The following TENM4 variants were observed in gnomAD, a reference collection of about 807,000 sequenced individuals.
The protein encoded by TENM4 is teneurin-4.
A neutral mutation model predicts 243.3 loss-of-function variants in TENM4; 82 were observed. The ratio of observed to expected loss-of-function variants is 0.34; its 90% CI spans 0.28 to 0.40. The LOEUF (loss-of-function observed/expected upper bound fraction) is 0.40. Among genes scored for constraint, TENM4 ranks in the 10% least tolerant of loss-of-function variants. TENM4 has a pLI of 1.00. For missense variants in TENM4, 3,138 were observed against 3,673.3 expected (o/e 0.85, Z 3.77); for synonymous variants, 1,412 against 1,456.3 (o/e 0.97, Z 0.69).
At chr11:79,247,273 C>T (rs938732661) in intron 2 of TENM4, among the ~76,000 whole-genome samples, 20 of 151,886 alleles carry the variant, frequency 1.3e-4, no homozygotes, top group Middle Eastern at 3.4e-3. Flanking sequence ...AAAAATTAGC[C>T]GGGCATGGTG....
chr11:78,880,032 A>G (rs2136269345), intron 9 of TENM4, among the ~76,000 whole-genome samples: 1 of 152,246 alleles, frequency 6.6e-6, no homozygotes, highest in South Asian at 2.1e-4. Context: ...ATGCAGGGAA[A>G]AGAAAGAGAG....
At chr11:79,396,118 T>C (rs1041262817) in intron 1 of TENM4, among the ~76,000 whole-genome samples, 1 of 152,214 alleles carries the variant, frequency 6.6e-6, no homozygotes, top group Non-Finnish European at 1.5e-5. Flanking sequence ...TAGTACTTCA[T>C]GGCCAACACA....
intron 2 of TENM4, among the ~76,000 whole-genome samples, chr11:79,282,188 C>T (rs1856168857): frequency 1.3e-5 from 2 of 152,294 alleles, no homozygotes; most frequent in South Asian, 4.2e-4. Flanking sequence ...ATGATCTCTC[C>T]TTTCTCTACA....
chr11:79,066,674 A>G (rs576106493), intron 5 of TENM4, among the ~76,000 whole-genome samples: 8 of 151,882 alleles, frequency 5.3e-5, no homozygotes, highest in Middle Eastern at 6.9e-3. Context: ...GCACATGCAC[A>G]CACACGCACG....
At chr11:79,066,234 T>C (rs1275699448) in intron 5 of TENM4, among the ~76,000 whole-genome samples, 1 of 151,792 alleles carries the variant, frequency 6.6e-6, no homozygotes, top group African/African-American at 2.4e-5. Flanking sequence ...GATATTGGGG[T>C]GAGGAGCTTA....
chr11:78,993,275 T>C (rs1313792356), intron 6 of TENM4, among the ~76,000 whole-genome samples: 1 of 152,130 alleles, frequency 6.6e-6, no homozygotes, highest in Non-Finnish European at 1.5e-5. Flanking sequence ...AAGGAGAAAT[T>C]CATTTATGAA....
intron 7 of TENM4, among the ~76,000 whole-genome samples, chr11:78,894,369 A>C (rs1855739828): frequency 6.6e-6 from 1 of 152,218 alleles, no homozygotes; most frequent in Non-Finnish European, 1.5e-5. Flanking sequence ...AGAAATAAAC[A>C]AAAAAATACA....
intron 2 of TENM4, among the ~76,000 whole-genome samples, chr11:79,242,965 G>A (rs955364649): frequency 1.3e-5 from 2 of 152,188 alleles, no homozygotes; most frequent in Non-Finnish European, 2.9e-5. Context: ...ACCCTGGGGA[G>A]GGAGATTGCC....
At chr11:79,307,707 G>A (rs1002504803) in intron 1 of TENM4, among the ~76,000 whole-genome samples, 36 of 152,166 alleles carry the variant, frequency 2.4e-4, no homozygotes, top group African/African-American at 7.7e-4. Context: ...TCCATTCTGC[G>A]TGACCCTGGG....
intron 6 of TENM4, among the ~76,000 whole-genome samples, chr11:79,029,516 C>A (rs546771476): frequency 6.6e-6 from 1 of 152,296 alleles, no homozygotes; most frequent in African/African-American, 2.4e-5. Context: ...ATCATTAAAT[C>A]ATTCTCGTCC....
chr11:79,224,331 A>G (rs1004305789), intron 2 of TENM4, among the ~76,000 whole-genome samples: 10 of 152,024 alleles, frequency 6.6e-5, no homozygotes, highest in African/African-American at 9.7e-5. Flanking sequence ...ATCGTTCCAG[A>G]CCCGGTTTCT....
At position 78,702,334 on chromosome 11, in the gene TENM4, T is replaced by C. The variant is rs1214746713; in HGVS notation, c.4279A>G (p.Asn1427Asp). 1 of 1,613,880 alleles carries C rather than the reference T, an allele frequency of 6.2e-7. No individual in the cohort carries two copies. Among genetic ancestry groups the C allele is most frequent in the Admixed American group, 1.7e-5 (1 of 60,000 alleles). ...MDNSLYVLDN[N>D]VVLQISENHQ... ...TTTTCAGAGATTTGCAGGACCACATTGTTGTCGAGGACATAAAGTGAGTTG... is the reference window on the plus strand; with the variant it reads ...TTTTCAGAGATTTGCAGGACCACATCGTTGTCGAGGACATAAAGTGAGTTG... The change falls in exon 28 of 34, where the codon AAT (asparagine) becomes GAT (aspartate). Residue 1427 changes from asparagine (N) to aspartate (D), a missense_variant. This residue lies in a region of TENM4 where 2,467 missense variants were observed against 3,059.1 expected (regional missense o/e 0.81). Coordinates refer to ENST00000278550, the MANE Select transcript of TENM4 (RefSeq NM_001098816.3).
chr11:78,767,420 A>G (rs1565370648), intron 18 of TENM4, among the ~76,000 whole-genome samples: 1 of 152,206 alleles, frequency 6.6e-6, no homozygotes. Context: ...AATCTGAGTA[A>G]GTACTCACAC....
chr11:78,971,756 CACA>C (rs1450191970), intron 6 of TENM4, among the ~76,000 whole-genome samples: 8 of 151,586 alleles, frequency 5.3e-5, no homozygotes, highest in African/African-American at 1.9e-4. Context: ...GGATATTTAT[CACA>C]ACATCATTTG....
chr11:79,137,408 A>G (rs1385183065), intron 4 of TENM4, among the ~76,000 whole-genome samples: 1 of 152,170 alleles, frequency 6.6e-6, no homozygotes, highest in Non-Finnish European at 1.5e-5. Flanking sequence ...GATTAAGGTC[A>G]ATGGAAAACT....
chr11:79,110,333 C>G (rs1486474124), intron 4 of TENM4, among the ~76,000 whole-genome samples: 1 of 152,202 alleles, frequency 6.6e-6, no homozygotes, highest in African/African-American at 2.4e-5. Context: ...CACTGCAGCC[C>G]CCTCCCTAGC....
intron 6 of TENM4, among the ~76,000 whole-genome samples, chr11:79,025,226 C>T (rs1165838660): frequency 3.3e-5 from 5 of 151,958 alleles, no homozygotes; most frequent in African/African-American, 9.7e-5. Flanking sequence ...TTTCCCCTAC[C>T]CCTATCACAT....
rs1565349088 is a variant in TENM4, at chr11:78,722,708, T to C, written c.3760A>G (p.Ile1254Val). 1.9e-6 allele frequency: 3 copies of C among 1,613,942 alleles called. No homozygotes were observed. The highest frequency in any genetic ancestry group is 2.5e-6 in the Non-Finnish European group (3 of 1,179,806). Reference protein sequence around the residue: ...YVGDFNYIRRIFPSGNVTNIL... With the variant: ...YVGDFNYIRRVFPSGNVTNIL... ...TTGGTGACATTTCCAGAGGGGAAGATCCTTCTAATGTAGTTGAAATCACCC... is the reference window on the plus strand; with the variant it reads ...TTGGTGACATTTCCAGAGGGGAAGACCCTTCTAATGTAGTTGAAATCACCC... The change falls in exon 24 of 34, where the codon ATC (isoleucine) becomes GTC (valine). Residue 1254 changes from isoleucine to valine, a missense_variant. Transcript: ENST00000278550.
chr11:79,204,316 C>T (rs1863805151), intron 3 of TENM4, among the ~76,000 whole-genome samples: 1 of 152,112 alleles, frequency 6.6e-6, no homozygotes, highest in Non-Finnish European at 1.5e-5. Flanking sequence ...GTGATGGTTA[C>T]ATATTTAAAA....
Sources: gnomAD v4.1 joint callset for allele counts (sites outside exome capture counted in the v4.1 genomes callset) on GRCh38, gnomAD v4.1.1 for gene constraint, gnomAD v4.1.1 regional missense constraint, MANE v1.5 for transcripts, NCBI Gene and HGNC (gene_info 2026-07-23, HGNC 2026-07-21) for gene names.